Variants in ZBTB37 observed in about 807,000 individuals in gnomAD.
The protein encoded by ZBTB37 is zinc finger and BTB domain-containing protein 37.
Under a neutral mutation model 37.7 loss-of-function variants are expected in ZBTB37, and 15 were observed. The observed-to-expected ratio is 0.40, with a 90% CI of 0.27 to 0.61. The LOEUF is 0.61. ZBTB37 is among the 20% of genes least tolerant of loss of function. The probability of loss-of-function intolerance (pLI) is 0.44; values close to 1 mark genes in which losing one functional copy is unlikely to be tolerated. For missense variants in ZBTB37, 514 were observed against 641.9 expected, an observed-to-expected ratio of 0.80 and a Z score of 2.15; for synonymous variants, 231 against 220.6, an observed-to-expected ratio of 1.05 and a Z score of -0.42.
intron 4 of ZBTB37, among the ~76,000 whole-genome samples, chr1:173,875,308 A>G (rs532684737): frequency 1.4e-5 from 2 of 141,214 alleles, no homozygotes; most frequent in South Asian, 4.6e-4. Flanking sequence ...ATTTATATAT[A>G]TATGTGTGCA....
At chr1:173,876,037 A>AATG (rs1655946940) in intron 4 of ZBTB37, among the ~76,000 whole-genome samples, 4 of 152,020 alleles carry the variant, frequency 2.6e-5, no homozygotes, top group African/African-American at 7.2e-5. Flanking sequence ...ATTTTGTTAG[A>AATG]CTAACACATT....
At chr1:173,886,833 A>AT (rs1656645806), downstream of ZBTB37, 1 of 152,318 alleles carries the variant, frequency 6.6e-6, no homozygotes, top group Non-Finnish European at 1.5e-5. Flanking sequence ...GTACTGCTAC[A>AT]TTTGGGGGGC....
At chr1:173,881,561 A>G (rs1299366719) in intron 4 of ZBTB37, among the ~76,000 whole-genome samples, 3 of 152,218 alleles carry the variant, frequency 2.0e-5, no homozygotes, top group South Asian at 2.1e-4. Flanking sequence ...ACTAGTTTAC[A>G]GTCCCACCAA....
At chr1:173,891,038 C>T (rs1328499470), downstream of ZBTB37, 1 of 152,130 alleles carries the variant, frequency 6.6e-6, no homozygotes, top group African/African-American at 2.4e-5. Flanking sequence ...TTTCTAGATC[C>T]TCTTATCATA....
At chr1:173,886,298 C>T in exon 5 of ZBTB37, 2 of 1,015,486 alleles carry the variant, frequency 2.0e-6, no homozygotes, top group Non-Finnish European at 2.8e-6. Context: ...CTAAAGGCTC[C>T]TCCCTTCTTA....
chr1:173,875,116 ATGTGTGTGTGTGTGTGTGTGTGTGTG>A (rs71111072), intron 4 of ZBTB37, among the ~76,000 whole-genome samples: 6 of 137,052 alleles, frequency 4.4e-5, no homozygotes, highest in Admixed American at 2.3e-4. Context: ...TCTGATTATT[ATGTGTGTGTGTGTGTGTGTGTGTGTG>A]TGTGTGTGTG....
At chr1:173,873,100 C>T (rs926044969) in intron 3 of ZBTB37, among the ~76,000 whole-genome samples, 1 of 151,898 alleles carries the variant, frequency 6.6e-6, no homozygotes, top group South Asian at 2.1e-4. Context: ...TATTATGGGA[C>T]CTTGGGGAAG....
exon 3 of ZBTB37, chr1:173,870,237 T>C: frequency 1.2e-6 from 2 of 1,610,660 alleles, no homozygotes; most frequent in Non-Finnish European, 1.7e-6. Context: ...TGGAGAAAGG[T>C]GGGAACATAC....
At chr1:173,868,701 CCCG>C in intron 1 of ZBTB37, 2 of 153,058 alleles carry the variant, frequency 1.3e-5, no homozygotes, top group Non-Finnish European at 1.5e-5. Flanking sequence ...CAGCTCCCCG[CCCG>C]CCGCCGCCTG....
intron 4 of ZBTB37, among the ~76,000 whole-genome samples, chr1:173,875,898 A>G (rs550506322): frequency 5.9e-4 from 90 of 152,100 alleles, no homozygotes; most frequent in African/African-American, 2.1e-3. Flanking sequence ...GACTCAAGCA[A>G]TCTGCCTGCC....
At position 173,883,180 on chromosome 1, in the gene ZBTB37, G is replaced by A. The variant is rs541548305; in HGVS notation, c.1024-2456G>A. 5.9e-5 allele frequency among the ~76,000 whole-genome samples: 9 copies of A among 152,218 alleles called. No homozygotes were observed. The South Asian group carries it at 1.9e-3, about 32-fold the overall frequency. ...GTCCTAAAAGTTACCATTGTATTTA[G>A]AAAAAAGAGTACTGTTGGCTGGGCC... On this transcript the variant is annotated intron_variant, in intron 4 of 4. Coordinates refer to ENST00000427304, the Ensembl canonical transcript of ZBTB37.
At chr1:173,892,546 C>G (rs1463820679) in exon 4 of ZBTB37, 1 of 152,096 alleles carries the variant, frequency 6.6e-6, no homozygotes, top group East Asian at 1.9e-4. Flanking sequence ...GTATCAAAAC[C>G]TGGAAGATAT....
intron 3 of ZBTB37, among the ~76,000 whole-genome samples, chr1:173,872,405 C>G (rs530234883): frequency 6.6e-6 from 1 of 152,214 alleles, no homozygotes; most frequent in East Asian, 1.9e-4. Context: ...TGAAGTCTCA[C>G]TCTGTTGCCC....
intron 4 of ZBTB37, among the ~76,000 whole-genome samples, chr1:173,880,406 A>G (rs1656231954): frequency 1.3e-5 from 2 of 152,236 alleles, no homozygotes; most frequent in South Asian, 4.1e-4. Flanking sequence ...ACTGAAAATT[A>G]GAATGGTAGA....
At chr1:173,881,497 A>G (rs986910256) in intron 4 of ZBTB37, among the ~76,000 whole-genome samples, 2 of 152,170 alleles carry the variant, frequency 1.3e-5, no homozygotes, top group African/African-American at 4.8e-5. Flanking sequence ...GTCAAATGGT[A>G]TTTCTAGTTC....
chr1:173,890,932 T>A (rs951739406), downstream of ZBTB37: 4 of 152,250 alleles, frequency 2.6e-5, no homozygotes, highest in African/African-American at 9.6e-5. Flanking sequence ...CTCCTAAAGT[T>A]GTTACTCATG....
exon 4 of ZBTB37, chr1:173,903,240 C>G (rs1020483339): frequency 3.4e-5 from 5 of 147,522 alleles, no homozygotes; most frequent in African/African-American, 7.5e-5. Context: ...GGACCCCTGT[C>G]GTGTCGGGGA....
chr1:173,870,994 G>C, exon 3 of ZBTB37: 1 of 1,614,254 alleles, frequency 6.2e-7, no homozygotes, highest in Non-Finnish European at 8.5e-7. Context: ...GCTTGGGCCT[G>C]AGAATCAGCC....
exon 4 of ZBTB37, chr1:173,896,875 C>T (rs747843701): frequency 2.6e-5 from 4 of 152,096 alleles, no homozygotes; most frequent in Non-Finnish European, 5.9e-5. Context: ...CTCTGGAAGC[C>T]AAGATGCTAA....
Sources: allele counts gnomAD v4.1 joint callset (sites outside exome capture counted in the v4.1 genomes callset), GRCh38; gene constraint gnomAD v4.1.1; transcripts MANE v1.5; gene names NCBI Gene and HGNC (gene_info 2026-07-23, HGNC 2026-07-21).